Variants in F13A1 observed in about 807,000 individuals in gnomAD.
F13A1 encodes the protein coagulation factor XIII A chain.
A neutral mutation model predicts 80.1 loss-of-function variants in F13A1; 47 were observed. The observed-to-expected ratio is 0.59, with a 90% CI of 0.46 to 0.75. The LOEUF is 0.75. Ranked by LOEUF, F13A1 falls within the 30% of genes least tolerant of loss-of-function variation. The pLI, the probability that F13A1 is intolerant of heterozygous loss-of-function variation, is 0.00. For missense variants in F13A1, 817 were observed against 930.4 expected (o/e 0.88, Z 1.59); for synonymous variants, 349 against 344.9 (o/e 1.01, Z -0.13).
intron 3 of F13A1, among the ~76,000 whole-genome samples, chr6:6,294,541 C>CATAT (rs558563187): frequency 2.0e-5 from 3 of 149,864 alleles, no homozygotes; most frequent in African/African-American, 4.9e-5. Flanking sequence ...CACACACACA[C>CATAT]ATATATATAT....
At chr6:6,300,099 T>C (rs1163134606) in intron 3 of F13A1, among the ~76,000 whole-genome samples, 2 of 145,572 alleles carry the variant, frequency 1.4e-5, no homozygotes, top group East Asian at 3.9e-4. Flanking sequence ...GGAGGCAGTC[T>C]GCCTGTTCTC....
chr6:6,209,323 TAAAA>T (rs34436663), intron 8 of F13A1, among the ~76,000 whole-genome samples: 1 of 131,784 alleles, frequency 7.6e-6, no homozygotes, highest in East Asian at 2.1e-4. Context: ...CAATAATAAT[TAAAA>T]AAAAAAAAAA....
chr6:6,179,288 A>G (rs942317928), intron 11 of F13A1, among the ~76,000 whole-genome samples: 1 of 152,350 alleles, frequency 6.6e-6, no homozygotes, highest in Admixed American at 6.5e-5. Context: ...TTTCTTAATT[A>G]TATATCTTGA....
At chr6:6,226,575 C>A (rs1241394847) in intron 6 of F13A1, among the ~76,000 whole-genome samples, 5 of 152,196 alleles carry the variant, frequency 3.3e-5, no homozygotes, top group African/African-American at 1.2e-4. Flanking sequence ...GCCTCATCAC[C>A]TGCCTAGACC....
intron 8 of F13A1, among the ~76,000 whole-genome samples, chr6:6,204,194 C>T (rs748955321): frequency 6.6e-6 from 1 of 152,216 alleles, no homozygotes; most frequent in Admixed American, 6.5e-5. Flanking sequence ...ACTGCTTAAA[C>T]AGTCCACAGG....
intron 6 of F13A1, among the ~76,000 whole-genome samples, chr6:6,237,248 G>C (rs1000128157): frequency 3.9e-5 from 6 of 152,150 alleles, no homozygotes; most frequent in Non-Finnish European, 8.8e-5. Flanking sequence ...TATGTTGTAA[G>C]GATAGGAAGG....
intron 14 of F13A1, among the ~76,000 whole-genome samples, chr6:6,151,600 A>G (rs907310213): frequency 2.6e-5 from 4 of 152,216 alleles, no homozygotes; most frequent in African/African-American, 7.2e-5. Context: ...AGCAGTATCT[A>G]CATCGTAGGG....
intron 3 of F13A1, among the ~76,000 whole-genome samples, chr6:6,280,687 T>G (rs1469347813): frequency 1.3e-5 from 2 of 152,188 alleles, no homozygotes; most frequent in Non-Finnish European, 2.9e-5. Context: ...TGATGCCTTG[T>G]GGGGGAACAC....
chr6:6,217,726 T>C (rs1757123277), intron 8 of F13A1, among the ~76,000 whole-genome samples: 1 of 151,998 alleles, frequency 6.6e-6, no homozygotes, highest in Non-Finnish European at 1.5e-5. Context: ...AGAAGAACAA[T>C]CTCAATTTCA....
At chr6:6,246,235 C>T (rs1757554169) in intron 6 of F13A1, among the ~76,000 whole-genome samples, 1 of 152,128 alleles carries the variant, frequency 6.6e-6, no homozygotes, top group Admixed American at 6.6e-5. Context: ...GCCTGAATGA[C>T]CAAAGAACAC....
intron 10 of F13A1, among the ~76,000 whole-genome samples, chr6:6,193,529 G>A (rs185730501): frequency 3.2e-4 from 48 of 152,294 alleles, no homozygotes; most frequent in African/African-American, 1.1e-3. Context: ...TCTTAAAAAT[G>A]GCTCAGCCCC....
chr6:6,146,272 C>A (rs1400471023), intron 14 of F13A1, among the ~76,000 whole-genome samples: 12 of 152,174 alleles, frequency 7.9e-5, no homozygotes, highest in Non-Finnish European at 1.8e-4. Flanking sequence ...CCAGGCTCAG[C>A]ATCTGGAATA....
rs79177848 is a variant in F13A1 at position 6,175,188 on chromosome 6, G to A, written c.1460-321C>T. The stretch of plus-strand genomic sequence containing the variant: ...TGTCTATCTTTTCTTAAACTGTGGT[G>A]TCAGTTTGCTTGCTTTTCTTAGTCC... On this transcript the variant is annotated intron_variant, in intron 11 of 14. Coordinates refer to ENST00000264870, the MANE Select transcript of F13A1 (RefSeq NM_000129.4). Among the ~76,000 whole-genome samples, 1,406 of 152,266 alleles carry A rather than the reference G, an allele frequency of 9.2e-3. 26 individuals are homozygous for A. Among genetic ancestry groups the A allele is most frequent in the African/African-American group, 0.029 (1,190 of 41,542 alleles).
intron 3 of F13A1, among the ~76,000 whole-genome samples, chr6:6,304,153 T>C (rs1386852539): frequency 1.3e-5 from 2 of 152,210 alleles, no homozygotes; most frequent in Non-Finnish European, 2.9e-5. Context: ...TGAAATTTGT[T>C]AACTTTTTTC....
chr6:6,232,238 A>C (rs1757363019), intron 6 of F13A1, among the ~76,000 whole-genome samples: 1 of 152,196 alleles, frequency 6.6e-6, no homozygotes, highest in Non-Finnish European at 1.5e-5. Flanking sequence ...ACATAAACTT[A>C]AAGTAAAGGT....
In F13A1 at chr6:6,305,697, A is replaced by T. The variant is rs1165584354; in HGVS notation, c.131-158T>A. 6 of 683,360 alleles carry T rather than the reference A, an allele frequency of 8.8e-6. No individual in the cohort carries two copies. The African/African-American group carries it at 1.1e-4, about 12-fold the overall frequency. 42.3% of individuals were successfully genotyped at this position (683,360 alleles called of 1,614,324 possible). A position where few individuals can be genotyped will look rare whatever the true frequency, so the allele number is the denominator to read the frequency against. On this transcript the variant is annotated intron_variant, in intron 2 of 14. Coordinates refer to ENST00000264870, the MANE Select transcript of F13A1 (RefSeq NM_000129.4). ...AGGGGTAGGGGAACACAGTCTCGAG[A>T]GTCAGCCTCTTGTGACATTCTTGTT...
intron 8 of F13A1, among the ~76,000 whole-genome samples, chr6:6,217,516 T>C (rs1022687617): frequency 8.7e-6 from 1 of 115,298 alleles, no homozygotes; most frequent in African/African-American, 3.4e-5. Context: ...CATAACACTC[T>C]GCGGCCTGTT....
chr6:6,224,265 TAATA>T (rs1365264992), intron 7 of F13A1, among the ~76,000 whole-genome samples: 6 of 152,198 alleles, frequency 3.9e-5, no homozygotes, highest in Non-Finnish European at 7.3e-5. Flanking sequence ...AAATTCTCAA[TAATA>T]AATAAATACG....
At chr6:6,297,215 G>T (rs992998945) in intron 3 of F13A1, among the ~76,000 whole-genome samples, 4 of 151,708 alleles carry the variant, frequency 2.6e-5, no homozygotes, top group East Asian at 1.9e-4. Context: ...TCTCTTTTTT[G>T]GTTGTGTCTC....
Sources: gnomAD v4.1 joint callset for allele counts (sites outside exome capture counted in the v4.1 genomes callset) on GRCh38, gnomAD v4.1.1 for gene constraint, MANE v1.5 for transcripts, NCBI Gene and HGNC (gene_info 2026-07-23, HGNC 2026-07-21) for gene names.